PDE10A: variants seen among roughly 807,000 people sequenced by gnomAD.
PDE10A encodes phosphodiesterase 10A, also known as cAMP and cAMP-inhibited cGMP 3',5'-cyclic phosphodiesterase 10A.
PDE10A carries 39 observed loss-of-function variants against 97.7 expected under a neutral mutation model. That is an observed-to-expected ratio of 0.40 (90% CI 0.31 to 0.52). The LOEUF is 0.52. PDE10A is among the 20% of genes least tolerant of loss of function. The pLI is 0.56. For synonymous variants in PDE10A, 371 were observed against 376.8 expected (o/e 0.98, Z 0.18); for missense variants, 731 against 1,047.8 (o/e 0.70, Z 4.17).
intron 1 of PDE10A, among the ~76,000 whole-genome samples, chr6:165,880,270 T>C (rs373555145): frequency 6.6e-6 from 1 of 152,196 alleles, no homozygotes; most frequent in African/African-American, 2.4e-5. Context: ...CATTGTTTTA[T>C]GCTCAACAAT....
chr6:165,492,292 G>T (rs190881474), intron 2 of PDE10A, among the ~76,000 whole-genome samples: 1 of 152,284 alleles, frequency 6.6e-6, no homozygotes, highest in Non-Finnish European at 1.5e-5. Context: ...AGAAGAATTG[G>T]TACCAATCCT....
intron 2 of PDE10A, among the ~76,000 whole-genome samples, chr6:165,501,300 G>A (rs897930788): frequency 2.6e-5 from 4 of 152,248 alleles, no homozygotes; most frequent in Non-Finnish European, 4.4e-5. Flanking sequence ...AGTGGCTCAC[G>A]CCTGTAATCC....
At chr6:165,748,738 G>GA (rs1792898428) in intron 1 of PDE10A, among the ~76,000 whole-genome samples, 1 of 152,138 alleles carries the variant, frequency 6.6e-6, no homozygotes, top group Admixed American at 6.5e-5. Context: ...CAGGTGAACA[G>GA]AAATGCACAC....
chr6:165,473,220 T>C (rs1308776618), intron 3 of PDE10A, among the ~76,000 whole-genome samples: 1 of 152,220 alleles, frequency 6.6e-6, no homozygotes, highest in Non-Finnish European at 1.5e-5. Flanking sequence ...ATGTGCATTG[T>C]AATTATTACC....
intron 18 of PDE10A, among the ~76,000 whole-genome samples, chr6:165,374,585 T>A (rs749407132): frequency 1.3e-5 from 2 of 152,122 alleles, no homozygotes; most frequent in Non-Finnish European, 2.9e-5. Flanking sequence ...GGTCAGAGAC[T>A]GGCGTATTTA....
chr6:165,600,727 T>C (rs962603685), intron 1 of PDE10A, among the ~76,000 whole-genome samples: 1 of 152,170 alleles, frequency 6.6e-6, no homozygotes, highest in African/African-American at 2.4e-5. Context: ...ACAGTATGTG[T>C]TGTATAACGG....
chr6:165,815,600 C>T lies in PDE10A; in HGVS notation c.-615+171929G>A, dbSNP rs148089286. Among the ~76,000 whole-genome samples the T allele has an allele frequency of 4.5e-4, 69 of 152,198 alleles. 1 individual carries two copies. In the South Asian group the frequency reaches 4.6e-3, roughly 10 times the overall value. On this transcript the variant is annotated intron_variant, in intron 1 of 19. Transcript: ENST00000366882. The stretch of plus-strand genomic sequence containing the variant: ...ACTGCATGGGGTCGGCGAAGGTGGA[C>T]GGCCAATGAAGAAGAGAAAACCTGA...
At chr6:165,404,849 G>A (rs887150637) in intron 13 of PDE10A, among the ~76,000 whole-genome samples, 6 of 126,546 alleles carry the variant, frequency 4.7e-5, no homozygotes, top group Non-Finnish European at 8.3e-5. Context: ...GTACCAAAAT[G>A]CAAAAACAAA....
chr6:165,784,104 G>C (rs1008898851), intron 1 of PDE10A, among the ~76,000 whole-genome samples: 1 of 151,942 alleles, frequency 6.6e-6, no homozygotes, highest in African/African-American at 2.4e-5. Flanking sequence ...TGTAGTCCCA[G>C]CTACTCGGGA....
intron 1 of PDE10A, among the ~76,000 whole-genome samples, chr6:165,591,672 A>G (rs974076370): frequency 3.3e-5 from 5 of 152,142 alleles, no homozygotes; most frequent in Non-Finnish European, 2.9e-5. Context: ...TCTTCAAAAC[A>G]TGTGTGTTGT....
At chr6:165,481,369 A>G (rs1779597353) in intron 3 of PDE10A, among the ~76,000 whole-genome samples, 1 of 152,062 alleles carries the variant, frequency 6.6e-6, no homozygotes, top group African/African-American at 2.4e-5. Context: ...AGAATCCTAC[A>G]TTGCTATGGA....
At chr6:165,431,557 T>C (rs1789569256) in intron 7 of PDE10A, 85 bp from the exon 8 acceptor site, 2 of 404,382 alleles carry the variant, frequency 4.9e-6, no homozygotes. Context: ...ATATATCATA[T>C]GTATAATACA....
chr6:165,619,733 TGTA>T (rs1191404094), intron 1 of PDE10A, among the ~76,000 whole-genome samples: 1 of 151,626 alleles, frequency 6.6e-6, no homozygotes, highest in Admixed American at 6.6e-5. Flanking sequence ...TGTAGTGTAG[TGTA>T]GTCTAGTGCA....
At chr6:165,663,333 TC>T (rs779765242), upstream of PDE10A, among the ~76,000 whole-genome samples, 101 of 151,834 alleles carry the variant, frequency 6.7e-4, no homozygotes, top group Non-Finnish European at 9.6e-4. Flanking sequence ...TGCGCCAGGC[TC>T]CCGCACCCGA....
chr6:165,673,917 T>A (rs1349117248), intron 1 of PDE10A, among the ~76,000 whole-genome samples: 1 of 152,216 alleles, frequency 6.6e-6, no homozygotes, highest in Non-Finnish European at 1.5e-5. Flanking sequence ...ATCAGCCACA[T>A]TATTAGTTTA....
chr6:165,900,184 C>T (rs1308177699), intron 1 of PDE10A, among the ~76,000 whole-genome samples: 1 of 152,136 alleles, frequency 6.6e-6, no homozygotes, highest in Non-Finnish European at 1.5e-5. Context: ...AAAATAAAGA[C>T]ATCTGGGCGG....
At chr6:165,902,983 C>T (rs190859062) in intron 1 of PDE10A, among the ~76,000 whole-genome samples, 1 of 152,286 alleles carries the variant, frequency 6.6e-6, no homozygotes, top group East Asian at 1.9e-4. Context: ...GTTACAGCAG[C>T]CGGCATTACT....
intron 1 of PDE10A, among the ~76,000 whole-genome samples, chr6:165,647,134 A>G (rs1382333052): frequency 6.6e-6 from 1 of 152,248 alleles, no homozygotes; most frequent in East Asian, 1.9e-4. Context: ...TACAGGACTA[A>G]GTCCACACAC....
At chr6:165,632,200 CAAAAA>C (rs71552885) in intron 1 of PDE10A, among the ~76,000 whole-genome samples, 5 of 67,270 alleles carry the variant, frequency 7.4e-5, no homozygotes, top group Non-Finnish European at 2.7e-5. Context: ...GAGTCCATCT[CAAAAA>C]AAAAAAAAAA....
Sources: gnomAD v4.1 joint callset for allele counts (sites outside exome capture counted in the v4.1 genomes callset) on GRCh38, gnomAD v4.1.1 for gene constraint, MANE v1.5 for transcripts, NCBI Gene and HGNC (gene_info 2026-07-23, HGNC 2026-07-21) for gene names.